BBS9: variants seen among roughly 807,000 people sequenced by gnomAD.
BBS9 encodes the protein Bardet-Biedl syndrome 9, also known as protein PTHB1.
In BBS9, 89 loss-of-function variants were observed where a neutral mutation model predicts 117.7. The observed-to-expected ratio is 0.76, with a 90% CI of 0.64 to 0.90. BBS9 has a LOEUF of 0.90. BBS9 is among the 40% of genes least tolerant of loss of function. The probability of loss-of-function intolerance (pLI) is 0.00; values close to 1 mark genes in which losing one functional copy is unlikely to be tolerated. For missense variants in BBS9, 982 were observed against 1,042.2 expected (o/e 0.94, Z 0.80); for synonymous variants, 379 against 370.9 (o/e 1.02, Z -0.25).
intron 21 of BBS9, among the ~76,000 whole-genome samples, chr7:33,581,826 G>C (rs1351778870): frequency 6.6e-6 from 1 of 151,918 alleles, no homozygotes; most frequent in East Asian, 1.9e-4. Context: ...TGTTTTTCAC[G>C]CACATGAATT....
intron 21 of BBS9, among the ~76,000 whole-genome samples, chr7:33,627,353 C>T (rs561628936): frequency 3.9e-5 from 6 of 152,340 alleles, no homozygotes; most frequent in African/African-American, 1.2e-4. Context: ...TTTGGATGTT[C>T]AGGCAGAAGT....
chr7:33,487,733 G>A (rs1021579603), intron 19 of BBS9, among the ~76,000 whole-genome samples: 6 of 152,154 alleles, frequency 3.9e-5, no homozygotes, highest in Admixed American at 2.0e-4. Flanking sequence ...AGAATGGTCA[G>A]GGGATGTGTC....
At chr7:33,614,736 C>T (rs1865047680) in intron 21 of BBS9, among the ~76,000 whole-genome samples, 1 of 152,036 alleles carries the variant, frequency 6.6e-6, no homozygotes, top group African/African-American at 2.4e-5. Context: ...CATAAGGGAG[C>T]CTCCACACTT....
At chr7:33,288,215 C>T (rs1319108064) in intron 9 of BBS9, among the ~76,000 whole-genome samples, 1 of 152,168 alleles carries the variant, frequency 6.6e-6, no homozygotes, top group Non-Finnish European at 1.5e-5. Flanking sequence ...TTACATTCAG[C>T]TGTAAAAATG....
chr7:33,496,575 G>A (rs1438026961), intron 19 of BBS9, among the ~76,000 whole-genome samples: 8 of 151,984 alleles, frequency 5.3e-5, no homozygotes, highest in Non-Finnish European at 1.0e-4. Flanking sequence ...TTAAAGGGGA[G>A]TCTCAGGTTT....
At chr7:33,410,328 T>G (rs1301987734) in intron 19 of BBS9, among the ~76,000 whole-genome samples, 1 of 152,214 alleles carries the variant, frequency 6.6e-6, no homozygotes, top group Non-Finnish European at 1.5e-5. Flanking sequence ...ATCTTACTTT[T>G]CTTTAGGAAG....
chr7:33,452,235 A>C (rs1349536356), intron 19 of BBS9, among the ~76,000 whole-genome samples: 1 of 151,870 alleles, frequency 6.6e-6, no homozygotes, highest in East Asian at 1.9e-4. Flanking sequence ...TTTAGTGTAC[A>C]AGTCTTCTAC....
At position 33,281,696 on chromosome 7, in the gene BBS9, G is replaced by T. The variant is rs191044866; in HGVS notation, c.1016+7740G>T. 5.6e-3 allele frequency among the ~76,000 whole-genome samples: 852 copies of T among 151,704 alleles called. 3 individuals are homozygous for T. The highest frequency in any genetic ancestry group is 8.9e-3 in the Non-Finnish European group (606 of 67,904). ...TGGCCAATGCTTCATCTTTCAATAG[G>T]TTCATTTAATTTTCCCAGGAATGAT... On this transcript the variant is annotated intron_variant, in intron 9 of 22. Coordinates refer to ENST00000242067, the MANE Select transcript of BBS9 (RefSeq NM_198428.3).
At chr7:33,356,242 G>A (rs1476439291) in intron 15 of BBS9, among the ~76,000 whole-genome samples, 1 of 151,720 alleles carries the variant, frequency 6.6e-6, no homozygotes, top group Non-Finnish European at 1.5e-5. Flanking sequence ...CATAATTTGA[G>A]GATATATAGA....
rs1042848929 is a variant in BBS9 at position 33,249,955 on chromosome 7, A to C, written c.443-7281A>C. On this transcript the variant is annotated intron_variant, in intron 5 of 22. Transcript: ENST00000242067. ...GCCAATCTTTTGCAGTCCAGGGTGC[A>C]TCGTATCTGTCATGAAATCTTTCCT... is the stretch of plus-strand genomic sequence containing the variant. Among the ~76,000 whole-genome samples, 3 of 152,262 alleles carry C rather than the reference A, an allele frequency of 2.0e-5. No homozygotes were observed. The East Asian group carries it at 5.8e-4, about 29-fold the overall frequency.
At chr7:33,332,845 T>C (rs1024697470) in intron 9 of BBS9, among the ~76,000 whole-genome samples, 2 of 152,194 alleles carry the variant, frequency 1.3e-5, no homozygotes, top group Non-Finnish European at 2.9e-5. Flanking sequence ...TTTTAAATTG[T>C]GGTAAAATAC....
At chr7:33,488,863 A>T (rs968168739) in intron 19 of BBS9, among the ~76,000 whole-genome samples, 1 of 152,186 alleles carries the variant, frequency 6.6e-6, no homozygotes, top group Non-Finnish European at 1.5e-5. Flanking sequence ...AAATTCACCA[A>T]GAAAAGTAGT....
At chr7:33,584,058 C>A (rs1050219321) in intron 21 of BBS9, among the ~76,000 whole-genome samples, 12 of 151,900 alleles carry the variant, frequency 7.9e-5, no homozygotes, top group African/African-American at 2.9e-4. Flanking sequence ...ACATTCCTGG[C>A]AGAGGATATA....
At chr7:33,413,709 C>T (rs927379141) in intron 19 of BBS9, among the ~76,000 whole-genome samples, 2 of 151,992 alleles carry the variant, frequency 1.3e-5, no homozygotes, top group Non-Finnish European at 2.9e-5. Flanking sequence ...GGCTATTGGC[C>T]CCTTGTTTAT....
rs5883400 is a variant in BBS9 at position 33,389,687 on chromosome 7, T to TAAAAAAAAA, written c.2115+1563_2115+1571dup. 2.3e-4 allele frequency among the ~76,000 whole-genome samples: 21 copies of TAAAAAAAAA among 91,968 alleles called. 1 individual carries two copies. The highest frequency in any genetic ancestry group is 6.4e-4 in the African/African-American group (14 of 22,030). The allele number at this position is 91,968 out of a possible 152,430, so 60.3% of individuals were successfully genotyped here. A position where few individuals can be genotyped will look rare whatever the true frequency, so the allele number is the denominator to read the frequency against. ...CTGGGTGACAGAGCAAGACTCCATCTAAAAAAAAAAAAAAAAAAAAAAAAA... is the reference window on the plus strand; with the variant it reads ...CTGGGTGACAGAGCAAGACTCCATCTAAAAAAAAAAAAAAAAAAAAAAAAAAAAAAAAAA... On this transcript the variant is annotated intron_variant, in intron 19 of 22. Transcript: ENST00000242067.
chr7:33,229,610 T>C (rs1010574489), intron 5 of BBS9, among the ~76,000 whole-genome samples: 2 of 152,170 alleles, frequency 1.3e-5, no homozygotes, highest in Non-Finnish European at 2.9e-5. Context: ...AATACAATAA[T>C]AATATTCCAT....
intron 2 of BBS9, among the ~76,000 whole-genome samples, chr7:33,151,457 T>G (rs1220046073): frequency 6.6e-6 from 1 of 152,094 alleles, no homozygotes; most frequent in African/African-American, 2.4e-5. Flanking sequence ...GAACAAGCCT[T>G]TAGTGGGGAC....
At chr7:33,633,713 C>G (rs942221739) in intron 21 of BBS9, among the ~76,000 whole-genome samples, 1 of 152,032 alleles carries the variant, frequency 6.6e-6, no homozygotes, top group East Asian at 1.9e-4. Context: ...GTAGACTTTA[C>G]AGATTCAGAG....
chr7:33,447,008 T>TAGGTGGGAAAGAAA (rs1837094914), intron 19 of BBS9, among the ~76,000 whole-genome samples: 4 of 152,178 alleles, frequency 2.6e-5, no homozygotes, highest in Non-Finnish European at 1.5e-5. Context: ...AAGAAACTAA[T>TAGGTGGGAAAGAAA]GAATTTATAT....
Sources: allele counts gnomAD v4.1 joint callset (sites outside exome capture counted in the v4.1 genomes callset), GRCh38; gene constraint gnomAD v4.1.1; transcripts MANE v1.5; gene names NCBI Gene and HGNC (gene_info 2026-07-23, HGNC 2026-07-21).